GAS2: variants seen among roughly 807,000 people sequenced by gnomAD.
GAS2 encodes growth arrest specific 2.
A neutral mutation model predicts 37.5 loss-of-function variants in GAS2; 20 were observed. The ratio of observed to expected loss-of-function variants is 0.53; its 90% CI spans 0.37 to 0.77. GAS2 has a LOEUF of 0.77. Among genes scored for constraint, GAS2 ranks in the 30% least tolerant of loss-of-function variants. The pLI is 0.00. For missense variants in GAS2, 336 were observed against 373.4 expected (o/e 0.90, Z 0.82); for synonymous variants, 144 against 132.2 (o/e 1.09, Z -0.61).
Position 22,812,030 on chromosome 11 carries a change from TGAC to T in GAS2, c.*15_*17del. 6.3e-7 allele frequency: 1 copy of T among 1,596,640 alleles called. No individual in the cohort carries two copies. The highest frequency in any genetic ancestry group is 1.1e-5 in the South Asian group (1 of 90,710). On this transcript the variant is annotated 3_prime_UTR_variant, in exon 8 of 8. Coordinates refer to ENST00000454584, the MANE Select transcript of GAS2 (RefSeq NM_001143830.3). Reference sequence around the variant, plus strand: ...GAAATTAAGTGAAACAAATTGGTCATGACAAGGGGACCCTCATAATGGCCTGTA... The same window carrying T: ...GAAATTAAGTGAAACAAATTGGTCATAAGGGGACCCTCATAATGGCCTGTA...
At chr11:22,804,760 G>C (rs1856811866) in intron 7 of GAS2, among the ~76,000 whole-genome samples, 1 of 152,104 alleles carries the variant, frequency 6.6e-6, no homozygotes, top group Non-Finnish European at 1.5e-5. Context: ...ATGCATGCTT[G>C]ATAAAGGTGA....
At chr11:22,790,158 A>T (rs1183470823) in intron 7 of GAS2, among the ~76,000 whole-genome samples, 3 of 152,122 alleles carry the variant, frequency 2.0e-5, no homozygotes, top group African/African-American at 7.2e-5. Context: ...AGAGAGCAAA[A>T]ATCTGGTGGG....
rs996044099 is a variant in GAS2 at position 22,726,382 on chromosome 11, T to C, written c.358T>C (p.Cys120Arg). 2 of 1,613,010 alleles carry C rather than the reference T, an allele frequency of 1.2e-6. No homozygotes were observed. The highest frequency in any genetic ancestry group is 1.7e-6 in the Non-Finnish European group (2 of 1,179,378). Residue 120 changes from cysteine to arginine, a missense_variant, in exon 4 of 8, where the codon TGC becomes CGC. Transcript: ENST00000454584. Reference sequence around the variant, plus strand: ...CAATACAGCAAATTTCTTATCCTGGTGCCGAGATTTAGGGGTGGATGAAAC... The same window carrying C: ...CAATACAGCAAATTTCTTATCCTGGCGCCGAGATTTAGGGGTGGATGAAAC... The part of the protein sequence containing the change: ...RDNTANFLSW[C>R]RDLGVDETCL...
intron 3 of GAS2, among the ~76,000 whole-genome samples, chr11:22,718,211 A>T (rs766411502): frequency 6.6e-6 from 1 of 152,136 alleles, no homozygotes; most frequent in Non-Finnish European, 1.5e-5. Flanking sequence ...AAAATATGGA[A>T]CCAGCCTAAA....
At chr11:22,681,257 G>T (rs538266957) in intron 2 of GAS2, among the ~76,000 whole-genome samples, 1 of 152,230 alleles carries the variant, frequency 6.6e-6, no homozygotes, top group African/African-American at 2.4e-5. Flanking sequence ...ACACTGATGT[G>T]TATGTGTATG....
At chr11:22,676,125 T>G (rs960497771) in intron 2 of GAS2, among the ~76,000 whole-genome samples, 1 of 152,130 alleles carries the variant, frequency 6.6e-6, no homozygotes, top group Non-Finnish European at 1.5e-5. Flanking sequence ...TATGGGTATG[T>G]AAATTGTACC....
At chr11:22,746,961 G>A (rs1169552250) in intron 5 of GAS2, among the ~76,000 whole-genome samples, 1 of 152,104 alleles carries the variant, frequency 6.6e-6, no homozygotes, top group Non-Finnish European at 1.5e-5. Context: ...AGTATTGTTG[G>A]TACTTGTCAA....
In GAS2 at chr11:22,726,857, A is replaced by G. The variant is rs566716180; in HGVS notation, c.409+424A>G. On this transcript the variant is annotated intron_variant, in intron 4 of 7. Transcript: ENST00000454584. Reference sequence around the variant, plus strand: ...ACCTCTACAACAGTATGGAAACACTATTGACCATAAGCTCTACCTTTATTG... The same window carrying G: ...ACCTCTACAACAGTATGGAAACACTGTTGACCATAAGCTCTACCTTTATTG... Among the ~76,000 whole-genome samples, 8 of 152,232 alleles carry G rather than the reference A, an allele frequency of 5.3e-5. No individual in the cohort carries two copies. The South Asian group carries it at 1.7e-3, about 32-fold the overall frequency.
intron 7 of GAS2, among the ~76,000 whole-genome samples, chr11:22,762,120 A>AT (rs943709606): frequency 1.3e-5 from 2 of 152,156 alleles, no homozygotes; most frequent in African/African-American, 4.8e-5. Context: ...GTAACGTAGA[A>AT]TTTATATTGA....
intron 7 of GAS2, among the ~76,000 whole-genome samples, chr11:22,805,670 A>G (rs561281868): frequency 6.6e-6 from 1 of 152,288 alleles, no homozygotes; most frequent in African/African-American, 2.4e-5. Flanking sequence ...GGATTCTTGG[A>G]TAAGTCCACA....
chr11:22,747,155 A>G (rs76109780), intron 5 of GAS2, among the ~76,000 whole-genome samples: 2,379 of 152,300 alleles, frequency 0.016, 60 homozygotes, highest in African/African-American at 0.048. Flanking sequence ...ATTCAAAACC[A>G]TAAGACTGAA....
At chr11:22,704,415 T>C (rs1371437756) in intron 3 of GAS2, among the ~76,000 whole-genome samples, 2 of 151,482 alleles carry the variant, frequency 1.3e-5, no homozygotes, top group East Asian at 1.9e-4. Context: ...ATAAATCCTA[T>C]AGTTATAAAG....
intron 1 of GAS2, among the ~76,000 whole-genome samples, chr11:22,652,856 A>G (rs1430283153): frequency 6.6e-6 from 1 of 152,136 alleles, no homozygotes; most frequent in African/African-American, 2.4e-5. Context: ...GGTACCTCAG[A>G]TGGAAATGCA....
At chr11:22,789,176 T>C (rs1208586405) in intron 7 of GAS2, among the ~76,000 whole-genome samples, 2 of 149,390 alleles carry the variant, frequency 1.3e-5, no homozygotes, top group South Asian at 2.1e-4. Flanking sequence ...GTTATCAGGA[T>C]TGACACTAAT....
At chr11:22,789,680 T>C (rs1254739954) in intron 7 of GAS2, among the ~76,000 whole-genome samples, 1 of 151,268 alleles carries the variant, frequency 6.6e-6, no homozygotes, top group Non-Finnish European at 1.5e-5. Context: ...TTAACCAGAA[T>C]GGTCGCGATC....
intron 4 of GAS2, 64 bp downstream of exon 4, chr11:22,726,497 A>T: frequency 1.4e-6 from 2 of 1,466,390 alleles, no homozygotes; most frequent in Non-Finnish European, 1.9e-6. Flanking sequence ...CTTTGTCAGT[A>T]TAGCCATCAA....
At chr11:22,721,517 A>G (rs1851947463) in intron 3 of GAS2, among the ~76,000 whole-genome samples, 1 of 152,060 alleles carries the variant, frequency 6.6e-6, no homozygotes, top group Non-Finnish European at 1.5e-5. Flanking sequence ...GAAGCTAGTC[A>G]TGTAGTCAAA....
intron 4 of GAS2, among the ~76,000 whole-genome samples, chr11:22,734,749 G>T (rs997790488): frequency 6.6e-6 from 1 of 151,728 alleles, no homozygotes; most frequent in Admixed American, 6.6e-5. Flanking sequence ...ATGTGATTTT[G>T]TAGAATAACC....
intron 7 of GAS2, among the ~76,000 whole-genome samples, chr11:22,790,664 T>C (rs1042131317): frequency 1.3e-5 from 2 of 150,984 alleles, no homozygotes; most frequent in African/African-American, 4.9e-5. Flanking sequence ...GGTTTCACCA[T>C]GTTGGCCAGG....
Sources: allele counts gnomAD v4.1 joint callset (sites outside exome capture counted in the v4.1 genomes callset), GRCh38; gene constraint gnomAD v4.1.1; transcripts MANE v1.5; gene names NCBI Gene and HGNC (gene_info 2026-07-23, HGNC 2026-07-21).